Variants in TMEM245 observed in about 807,000 individuals in gnomAD.
The protein encoded by TMEM245 is protein CG-2.
Under a neutral mutation model 101.2 loss-of-function variants are expected in TMEM245, and 69 were observed. The observed-to-expected ratio is 0.68, with a 90% CI of 0.56 to 0.83. The LOEUF (loss-of-function observed/expected upper bound fraction) is 0.83. Ranked by LOEUF, TMEM245 falls within the 40% of genes least tolerant of loss-of-function variation. The pLI, the probability that TMEM245 is intolerant of heterozygous loss-of-function variation, is 0.00. For synonymous variants in TMEM245, 537 were observed against 449.8 expected (o/e 1.19, Z -2.45); for missense variants, 1,075 against 1,092.8 (o/e 0.98, Z 0.23).
At chr9:109,083,935 G>A (rs1399752232) in intron 7 of TMEM245, among the ~76,000 whole-genome samples, 4 of 71,868 alleles carry the variant, frequency 5.6e-5, no homozygotes, top group African/African-American at 4.9e-5. Flanking sequence ...AAAAACACCA[G>A]GCATGGTGGT....
At chr9:109,106,854 T>C (rs1830438962) in intron 2 of TMEM245, among the ~76,000 whole-genome samples, 1 of 152,134 alleles carries the variant, frequency 6.6e-6, no homozygotes, top group Non-Finnish European at 1.5e-5. Context: ...CTACCTTTAA[T>C]GGGGTTCTAT....
At chr9:109,107,417 A>T (rs1812937) in intron 2 of TMEM245, among the ~76,000 whole-genome samples, 121,128 of 144,012 alleles carry the variant, frequency 0.84, 51,409 homozygotes, top group African/African-American at 0.92. Flanking sequence ...AAAAAAAAAA[A>T]GTTCACAAGT....
chr9:109,037,651 A>G (rs767985849), intron 15 of TMEM245, among the ~76,000 whole-genome samples: 36 of 152,246 alleles, frequency 2.4e-4, no homozygotes, highest in African/African-American at 3.4e-4. Flanking sequence ...CACCACTATT[A>G]TAAGTTTCCT....
At chr9:109,072,977 A>G (rs2132486504) in intron 9 of TMEM245, among the ~76,000 whole-genome samples, 1 of 152,362 alleles carries the variant, frequency 6.6e-6, no homozygotes, top group African/African-American at 2.4e-5. Context: ...CGGAATTATT[A>G]TCTCAAGTTC....
Position 109,016,670 on chromosome 9 carries a change from T to G in TMEM245, c.*3790A>C, listed in dbSNP as rs906851368. 20 of 151,844 alleles carry G rather than the reference T, an allele frequency of 1.3e-4. No homozygotes were observed. The highest frequency in any genetic ancestry group is 4.8e-4 in the African/African-American group (20 of 41,390). The allele number at this position is 151,844 out of a possible 1,614,324, so 9.4% of individuals were successfully genotyped here. On this transcript the variant is annotated 3_prime_UTR_variant, in exon 18 of 18. Transcript: ENST00000374586. ...AGACAGCATGTGTGTTTTTTTTTTT[T>G]TTTTTTTTTGCAGGTTCCCAATAAT...
Position 109,093,609 on chromosome 9 carries a change from A to AT in TMEM245, c.800-19dup. ...CTCTGCCCCTGTAAAAGAAGCATCC[A>AT]TTTTCAAAACTCTTTAAAGTAGGAA... On this transcript the variant is annotated intron_variant, in intron 3 of 17. Coordinates refer to ENST00000374586, the MANE Select transcript of TMEM245 (RefSeq NM_032012.4). 1 of 1,601,338 alleles carries AT rather than the reference A, an allele frequency of 6.2e-7. No individual in the cohort carries two copies. Among genetic ancestry groups the AT allele is most frequent in the Non-Finnish European group, 8.6e-7 (1 of 1,169,000 alleles).
At chr9:109,089,126 G>A (rs939071837) in intron 5 of TMEM245, among the ~76,000 whole-genome samples, 6 of 151,722 alleles carry the variant, frequency 4.0e-5, no homozygotes, top group African/African-American at 1.2e-4. Flanking sequence ...ACAATAGCCA[G>A]TGGACGCACC....
At chr9:109,113,542 T>C (rs1402096275) in intron 1 of TMEM245, among the ~76,000 whole-genome samples, 1 of 152,230 alleles carries the variant, frequency 6.6e-6, no homozygotes, top group East Asian at 1.9e-4. Context: ...TGCATAAAAT[T>C]TGGCAACATT....
At chr9:109,040,942 G>A (rs185636639) in intron 14 of TMEM245, among the ~76,000 whole-genome samples, 58 of 152,198 alleles carry the variant, frequency 3.8e-4, no homozygotes, top group Admixed American at 3.5e-3. Flanking sequence ...TTCATTTCTC[G>A]TCTGTAAATA....
At chr9:109,101,464 G>A (rs1830280477) in intron 3 of TMEM245, among the ~76,000 whole-genome samples, 1 of 152,162 alleles carries the variant, frequency 6.6e-6, no homozygotes, top group Non-Finnish European at 1.5e-5. Flanking sequence ...TTACACACCA[G>A]ATGGTTTGAG....
intron 14 of TMEM245, among the ~76,000 whole-genome samples, chr9:109,041,748 G>C (rs564941895): frequency 6.6e-6 from 1 of 151,974 alleles, no homozygotes; most frequent in Non-Finnish European, 1.5e-5. Flanking sequence ...AAAATGGTAC[G>C]TGAAGTAATG....
At position 109,017,698 on chromosome 9, in the gene TMEM245, G is replaced by A. The variant is rs138479287; in HGVS notation, c.*2762C>T. The stretch of plus-strand genomic sequence containing the variant: ...CTTCTACTTCATCAACGTACGGTCT[G>A]TTCCTGAAGAAACTTCCTCTTTCTG... On this transcript the variant is annotated 3_prime_UTR_variant, in exon 18 of 18. Coordinates refer to ENST00000374586, the MANE Select transcript of TMEM245 (RefSeq NM_032012.4). The A allele has an allele frequency of 6.6e-6, 1 of 152,298 alleles. No individual in the cohort carries two copies. Among genetic ancestry groups the A allele is most frequent in the African/African-American group, 2.4e-5 (1 of 41,572 alleles). The allele number at this position is 152,298 out of a possible 1,614,324, so 9.4% of individuals were successfully genotyped here.
Position 109,083,916 on chromosome 9 carries a change from A to AAAAAAAAAAAAAAAAAAAAAAAAAAC in TMEM245, c.1344+2080_1344+2081insGTTTTTTTTTTTTTTTTTTTTTTTTT, listed in dbSNP as rs1554725101. Among the ~76,000 whole-genome samples, 28 of 132,574 alleles carry AAAAAAAAAAAAAAAAAAAAAAAAAAC rather than the reference A, an allele frequency of 2.1e-4. 2 individuals carry two copies. The highest frequency in any genetic ancestry group is 5.1e-4 in the East Asian group (2 of 3,922). The allele number at this position is 132,574 out of a possible 152,430, so 87.0% of individuals were successfully genotyped here. A position where few individuals can be genotyped will look rare whatever the true frequency, so the allele number is the denominator to read the frequency against. ...ACTAAAAATACAAAAAAAAAAAAAA[A>AAAAAAAAAAAAAAAAAAAAAAAAAAC]AAAAAAAAAAAAACACCAGGCATGG... is the stretch of plus-strand genomic sequence containing the variant. On this transcript the variant is annotated intron_variant, in intron 7 of 17. Coordinates refer to ENST00000374586, the MANE Select transcript of TMEM245 (RefSeq NM_032012.4).
In TMEM245 at chr9:109,072,189, T is replaced by TTCCCATACTCAGAGCAAGACCTGC. The variant is rs376325923; in HGVS notation, c.1532+1143_1532+1166dup. Reference sequence around the variant, plus strand: ...GAAAAGTCTCCGAATTGCCATCATGTTCCCATACTCAGAGCAAGACCTGCT... The same window carrying TTCCCATACTCAGAGCAAGACCTGC: ...GAAAAGTCTCCGAATTGCCATCATGTTCCCATACTCAGAGCAAGACCTGCTCCCATACTCAGAGCAAGACCTGCT... On this transcript the variant is annotated intron_variant, in intron 9 of 17. Transcript: ENST00000374586. Among the ~76,000 whole-genome samples, 1,446 of 152,208 alleles carry TTCCCATACTCAGAGCAAGACCTGC rather than the reference T, an allele frequency of 9.5e-3. 25 individuals carry two copies. The highest frequency in any genetic ancestry group is 0.033 in the African/African-American group (1,373 of 41,480).
chr9:109,104,471 C>A (rs760701858), intron 3 of TMEM245, among the ~76,000 whole-genome samples: 10 of 152,110 alleles, frequency 6.6e-5, no homozygotes, highest in Non-Finnish European at 1.0e-4. Context: ...TGCTCCCCCC[C>A]GCCCACAAGT....
chr9:109,112,257 A>T (rs1830585645), intron 1 of TMEM245, among the ~76,000 whole-genome samples: 1 of 152,162 alleles, frequency 6.6e-6, no homozygotes, highest in Non-Finnish European at 1.5e-5. Context: ...AAAAGAAAAA[A>T]GTGGCCAGGG....
intron 17 of TMEM245, among the ~76,000 whole-genome samples, chr9:109,022,797 C>G (rs894099301): frequency 6.6e-6 from 1 of 152,194 alleles, no homozygotes; most frequent in African/African-American, 2.4e-5. Flanking sequence ...CCTGGAAAAT[C>G]TTTGCAAGCA....
intron 9 of TMEM245, among the ~76,000 whole-genome samples, chr9:109,068,448 C>G (rs1829236855): frequency 6.6e-6 from 1 of 151,590 alleles, no homozygotes; most frequent in South Asian, 2.1e-4. Flanking sequence ...CAAAGACCAG[C>G]CTGGCCAACA....
chr9:109,032,326 C>T (rs974544924), intron 17 of TMEM245, among the ~76,000 whole-genome samples: 7 of 147,202 alleles, frequency 4.8e-5, no homozygotes, highest in African/African-American at 1.8e-4. Context: ...AAATCTATCC[C>T]AGACTCATGC....
Sources: gnomAD v4.1 joint callset for allele counts (sites outside exome capture counted in the v4.1 genomes callset) on GRCh38, gnomAD v4.1.1 for gene constraint, MANE v1.5 for transcripts, NCBI Gene and HGNC (gene_info 2026-07-23, HGNC 2026-07-21) for gene names.